Variants in SAFB2 observed in about 807,000 individuals in gnomAD.
SAFB2 encodes the protein scaffold attachment factor B2.
SAFB2 carries 32 observed loss-of-function variants against 100.6 expected under a neutral mutation model. The observed-to-expected ratio is 0.32, with a 90% CI of 0.24 to 0.43. The LOEUF (loss-of-function observed/expected upper bound fraction) is 0.43, where lower values mean the gene tolerates loss of function less well. Ranked by LOEUF, SAFB2 falls within the 20% of genes least tolerant of loss-of-function variation. The probability of loss-of-function intolerance (pLI) is 1.00; values close to 1 mark genes in which losing one functional copy is unlikely to be tolerated. For synonymous variants in SAFB2, 500 were observed against 439.4 expected (o/e 1.14, Z -1.72); for missense variants, 1,185 against 1,163.4 (o/e 1.02, Z -0.27).
At chr19:5,617,700 G>A (rs2053061595) in intron 2 of SAFB2, among the ~76,000 whole-genome samples, 1 of 152,198 alleles carries the variant, frequency 6.6e-6, no homozygotes, top group African/African-American at 2.4e-5. Flanking sequence ...TCACGACCCT[G>A]CAATGCACAG....
intron 15 of SAFB2, among the ~76,000 whole-genome samples, chr19:5,593,336 C>T (rs2052456485): frequency 6.6e-6 from 1 of 152,204 alleles, no homozygotes; most frequent in African/African-American, 2.4e-5. Context: ...CAGCTCTGGA[C>T]GGCATCCAAT....
chr19:5,619,215 G>T (rs569952489), intron 2 of SAFB2, among the ~76,000 whole-genome samples: 1 of 152,118 alleles, frequency 6.6e-6, no homozygotes, highest in African/African-American at 2.4e-5. Flanking sequence ...CACGTGCCCC[G>T]ACACCTCTAG....
chr19:5,606,846 C>T (rs2052784878), intron 9 of SAFB2, among the ~76,000 whole-genome samples: 1 of 152,198 alleles, frequency 6.6e-6, no homozygotes, highest in South Asian at 2.1e-4. Flanking sequence ...AGGAAACATT[C>T]AATTCCTTCA....
chr19:5,592,598 T>G (rs1178818669), intron 16 of SAFB2, 149 bp downstream of exon 16: 11 of 855,386 alleles, frequency 1.3e-5, no homozygotes, highest in Non-Finnish European at 2.0e-5. Flanking sequence ...TCAAGTTCTG[T>G]GCAAGGCCAG....
At chr19:5,605,059 T>C (rs2052744525) in intron 9 of SAFB2, 123 bp from the exon 10 acceptor site, 1 of 1,116,318 alleles carries the variant, frequency 9.0e-7, no homozygotes, top group Non-Finnish European at 1.3e-6. Context: ...TAGTTTTCCA[T>C]TTTAGTTACT....
rs772801577 is a variant in SAFB2, at chr19:5,616,242, G to C, written c.433C>G (p.Pro145Ala). Residue 145 changes from proline to alanine, a missense_variant, in exon 4 of 21, where the codon CCA becomes GCA. Coordinates refer to ENST00000252542, the MANE Select transcript of SAFB2 (RefSeq NM_014649.3). ...DETEVANSSA[P>A]DFGEDGTDGL... ...TCCGTGCCATCCTCCCCAAAATCTG[G>C]AGCACTGCTATTCGCCACTTCAGTT... 4.0e-5 allele frequency: 65 copies of C among 1,614,014 alleles called. No homozygotes were observed. The highest frequency in any genetic ancestry group is 5.4e-5 in the Non-Finnish European group (64 of 1,180,026).
intron 1 of SAFB2, among the ~76,000 whole-genome samples, chr19:5,621,667 C>T (rs971482074): frequency 6.6e-6 from 1 of 152,196 alleles, no homozygotes; most frequent in Admixed American, 6.5e-5. Flanking sequence ...CAACTCAACT[C>T]GACAATGCCA....
chr19:5,603,629 C>T (rs1050224203), intron 11 of SAFB2, among the ~76,000 whole-genome samples: 5 of 152,246 alleles, frequency 3.3e-5, no homozygotes, highest in African/African-American at 7.2e-5. Context: ...CGCCAAGGTA[C>T]GCCAAGGTAC....
At chr19:5,613,409 G>T in intron 5 of SAFB2, 56 bp downstream of exon 5, 1 of 1,469,728 alleles carries the variant, frequency 6.8e-7, no homozygotes, top group Middle Eastern at 1.7e-4. Context: ...TTTCATTATG[G>T]AAAATCAACC....
intron 5 of SAFB2, among the ~76,000 whole-genome samples, chr19:5,612,992 C>G (rs2052941711): frequency 1.3e-5 from 2 of 152,228 alleles, no homozygotes; most frequent in Non-Finnish European, 2.9e-5. Flanking sequence ...TGCTGAAAAC[C>G]TTTTCCGACA....
At position 5,594,091 on chromosome 19, in the gene SAFB2, C is replaced by G. The variant is rs768878158; in HGVS notation, c.2007G>C (p.Gln669His). 6.3e-7 allele frequency: 1 copy of G among 1,599,040 alleles called. No individual in the cohort carries two copies. Among genetic ancestry groups the G allele is most frequent in the Non-Finnish European group, 8.5e-7 (1 of 1,177,368 alleles). ...CCAGCCGCTGGCGCTGGCACTCGAG[C>G]TGCAGGCGTTCCCGCTGTAGCCGGG... ...EKARLQRERL[Q>H]LECQRQRLER... The change falls in exon 15 of 21, where the codon CAG becomes CAC. Residue 669 changes from glutamine to histidine, a missense_variant. Coordinates refer to ENST00000252542, the MANE Select transcript of SAFB2 (RefSeq NM_014649.3).
At chr19:5,591,834 G>A (rs770690539) in intron 16 of SAFB2, 41 bp from the exon 17 acceptor site, 16 of 1,607,628 alleles carry the variant, frequency 1.0e-5, no homozygotes, top group Middle Eastern at 1.6e-4. Flanking sequence ...CACCAGGCAC[G>A]ACTACACATT....
At chr19:5,594,310 A>G in intron 14 of SAFB2, 132 bp from the exon 15 acceptor site, 1 of 1,121,808 alleles carries the variant, frequency 8.9e-7, no homozygotes, top group African/African-American at 1.6e-5. Flanking sequence ...GCTTCCCTAA[A>G]GCTGCGCGTG....
chr19:5,599,003 C>T (rs1555686881), intron 12 of SAFB2, 119 bp from the exon 13 acceptor site: 3 of 835,152 alleles, frequency 3.6e-6, no homozygotes, highest in Non-Finnish European at 5.9e-6. Context: ...AAGTGACTGA[C>T]ACTAGCCTTG....
At chr19:5,606,999 C>A (rs1169668526) in intron 9 of SAFB2, among the ~76,000 whole-genome samples, 1 of 152,198 alleles carries the variant, frequency 6.6e-6, no homozygotes, top group East Asian at 1.9e-4. Flanking sequence ...TGGTGGCTCA[C>A]GCCTGTAATC....
Position 5,592,774 on chromosome 19 carries a change from C to T in SAFB2, c.2321G>A (p.Gly774Asp). The T allele has an allele frequency of 6.2e-7, 1 of 1,614,146 alleles. No homozygotes were observed. The highest frequency in any genetic ancestry group is 1.1e-5 in the South Asian group (1 of 91,058). ...RFHDFDHRDR[G>D]QYQDHAIDRR... is the part of the protein sequence containing the mutation. ...GTCGATGGCGTGGTCCTGGTACTGG[C>T]CCCGGTCTCGATGATCGAAGTCGTG... The change falls in exon 16 of 21, where the codon GGC (glycine) becomes GAC (aspartate). Residue 774 changes from glycine (G) to aspartate (D), a missense_variant. Around this residue, in one of 3 missense-constraint regions of SAFB2, gnomAD observed 740 missense variants for 687.1 expected, o/e 1.08. Transcript: ENST00000252542.
Position 5,594,135 on chromosome 19 carries a change from G to A in SAFB2, c.1963C>T (p.His655Tyr), listed in dbSNP as rs200752923. The A allele has an allele frequency of 6.2e-7, 1 of 1,602,056 alleles. No homozygotes were observed. Among genetic ancestry groups the A allele is most frequent in the South Asian group, 1.1e-5 (1 of 90,656 alleles). ...REREQRLEAF[H>Y]ERKEKARLQR... ...AGCCGGGCCTTCTCCTTCCGCTCAT[G>A]GAAGGCCTCGAGGCGTTGCTCCCGC... is the stretch of plus-strand genomic sequence containing the variant. Residue 655 changes from histidine (H) to tyrosine (Y), a missense_variant, in exon 15 of 21, where the codon CAT (histidine) becomes TAT (tyrosine). This residue lies in a region of SAFB2 where 740 missense variants were observed against 687.1 expected (regional missense o/e 1.08). Transcript: ENST00000252542.
At chr19:5,612,997 C>A (rs555393023) in intron 5 of SAFB2, among the ~76,000 whole-genome samples, 10 of 152,362 alleles carry the variant, frequency 6.6e-5, no homozygotes, top group African/African-American at 2.4e-4. Context: ...AAAACCTTTT[C>A]CGACATCTGT....
chr19:5,598,521 T>C, intron 13 of SAFB2: 1 of 480,094 alleles, frequency 2.1e-6, no homozygotes, highest in East Asian at 3.8e-5. Flanking sequence ...CATCCCACCC[T>C]ATGGTGAGCT....
Sources: allele counts gnomAD v4.1 joint callset (sites outside exome capture counted in the v4.1 genomes callset), GRCh38; gene constraint gnomAD v4.1.1; regional missense constraint gnomAD v4.1.1; transcripts MANE v1.5; gene names NCBI Gene and HGNC (gene_info 2026-07-23, HGNC 2026-07-21).